Variants in PKM observed in about 807,000 individuals in gnomAD.
PKM encodes the protein pyruvate kinase PKM.
PKM carries 18 observed loss-of-function variants against 49.8 expected under a neutral mutation model. That is an observed-to-expected ratio of 0.36 (90% CI 0.25 to 0.54). The LOEUF (loss-of-function observed/expected upper bound fraction) is 0.54. Among genes scored for constraint, PKM ranks in the 20% least tolerant of loss-of-function variants. PKM has a pLI of 0.89. For missense variants in PKM, 508 were observed against 713.8 expected, an observed-to-expected ratio of 0.71 and a Z score of 3.28; for synonymous variants, 239 against 261.8, an observed-to-expected ratio of 0.91 and a Z score of 0.84.
At chr15:72,206,956 G>C in intron 7 of PKM, 76 bp from the exon 8 acceptor site, 1 of 1,557,154 alleles carries the variant, frequency 6.4e-7, no homozygotes, top group Non-Finnish European at 8.8e-7. Context: ...CTGATCCTCT[G>C]GATAGTGAGT....
chr15:72,200,807 G>A lies in PKM; in HGVS notation c.1308-152C>T, dbSNP rs1055831048. On this transcript the variant is annotated intron_variant, in intron 9 of 10. Coordinates refer to ENST00000335181, the MANE Select transcript of PKM (RefSeq NM_002654.6). The surrounding 1 kb of genome is among the most constrained non-coding windows in gnomAD (Gnocchi z 4.6). ...TCCCTAGGACCCCTCCCGAGGCTCG[G>A]GCAGCCCCTCATCCTATATCCCCCA... 7.8e-6 allele frequency: 5 copies of A among 640,454 alleles called. No individual in the cohort carries two copies. The Admixed American group carries it at 1.5e-4, about 19-fold the overall frequency. 39.7% of individuals were successfully genotyped at this position (640,454 alleles called of 1,614,324 possible).
intron 7 of PKM, 101 bp downstream of exon 7, chr15:72,207,026 C>T (rs1233817697): frequency 1.8e-5 from 27 of 1,502,034 alleles, no homozygotes; most frequent in East Asian, 2.3e-5. Context: ...CTGTGTGTTA[C>T]GTGCGACAAT....
Position 72,200,601 on chromosome 15 carries a change from G to A in PKM, c.1362C>T (p.Thr454=), listed in dbSNP as rs1245018771. The change falls in exon 10 of 11, where the codon ACC becomes ACT. Residue 454 remains threonine, a synonymous_variant. Transcript: ENST00000335181. The surrounding 1 kb of genome is among the most constrained non-coding windows in gnomAD (Gnocchi z 4.6). ...CCTGACGAGCTGTCTGGGGATTCCG[G>A]GTCACAGCAATGATGGGGGCACGTG... is the stretch of plus-strand genomic sequence containing the variant. ...YRPRAPIIAV[T]RNPQTARQAH... 2.5e-6 allele frequency: 4 copies of A among 1,613,820 alleles called. No homozygotes were observed. Among genetic ancestry groups the A allele is most frequent in the Admixed American group, 3.3e-5 (2 of 59,986 alleles).
chr15:72,215,462 C>T (rs1446004454), intron 3 of PKM, among the ~76,000 whole-genome samples: 1 of 152,154 alleles, frequency 6.6e-6, no homozygotes, highest in Non-Finnish European at 1.5e-5. Flanking sequence ...CACACAACCT[C>T]ATCTTGGTCT....
chr15:72,210,081 C>T (rs1274620046), intron 4 of PKM: 3 of 621,086 alleles, frequency 4.8e-6, no homozygotes, highest in East Asian at 5.5e-5. Flanking sequence ...GAAAAAGATA[C>T]AAAGAGATGG....
chr15:72,208,972 A>G, intron 5 of PKM, 81 bp from the exon 6 acceptor site: 1 of 1,457,468 alleles, frequency 6.9e-7, no homozygotes, highest in Non-Finnish European at 9.4e-7. Flanking sequence ...CCGCAAGGAC[A>G]GTGAGCTGGG....
chr15:72,209,437 ATATGTATATATATATATATATG>A (rs1397108405), intron 5 of PKM: 8,632 of 24,228 alleles, frequency 0.36, 1,297 homozygotes, highest in South Asian at 0.6. Flanking sequence ...ATATATATAT[ATATGTATATATATATATATATG>A]TATGTATGTT....
In PKM at chr15:72,211,205, C is replaced by T. The variant is rs374584388; in HGVS notation, c.247-727G>A. ...CTCTCAGCCTCCCGAGTAGCTGGGA[C>T]TGCAGGCGCCCACCACCACGCCTGG... On this transcript the variant is annotated intron_variant, in intron 3 of 10. Coordinates refer to ENST00000335181, the MANE Select transcript of PKM (RefSeq NM_002654.6). Among the ~76,000 whole-genome samples, 67 of 152,080 alleles carry T rather than the reference C, an allele frequency of 4.4e-4. 1 individual carries two copies. In the South Asian group the frequency reaches 0.014, roughly 32 times the overall value.
At chr15:72,208,918 G>C (rs375563823) in intron 5 of PKM, 27 bp from the exon 6 acceptor site, 57 of 1,607,230 alleles carry the variant, frequency 3.5e-5, no homozygotes, top group Admixed American at 5.1e-5. Flanking sequence ...AAGTAGGGGA[G>C]GCAGAGCACG....
In PKM at chr15:72,200,760, C is replaced by CCCTCAG; in HGVS notation, c.1308-106_1308-105insCTGAGG. On this transcript the variant is annotated intron_variant, in intron 9 of 10. Coordinates refer to ENST00000335181, the MANE Select transcript of PKM (RefSeq NM_002654.6). This position sits in a 1 kb window ranked among gnomAD's most constrained non-coding sequence, Gnocchi z 4.6. ...ACCCTCTCATCCAGCTCACTGAGGGCTCTGGCCTCTTCAACATCTGCTCCC... is the reference window on the plus strand; with the variant it reads ...ACCCTCTCATCCAGCTCACTGAGGGCCCTCAGTCTGGCCTCTTCAACATCTGCTCCC... 2 of 986,894 alleles carry CCCTCAG rather than the reference C, an allele frequency of 2.0e-6. No individual in the cohort carries two copies. The highest frequency in any genetic ancestry group is 3.0e-6 in the Non-Finnish European group (2 of 661,640). The allele number at this position is 986,894 out of a possible 1,614,324, so 61.1% of individuals were successfully genotyped here.
intron 1 of PKM, among the ~76,000 whole-genome samples, chr15:72,222,998 C>T (rs898534295): frequency 1.3e-5 from 2 of 151,250 alleles, no homozygotes; most frequent in East Asian, 3.9e-4. Flanking sequence ...ATACCCAACA[C>T]TCCTCCCTCC....
rs559620417 is a variant in PKM at position 72,210,590 on chromosome 15, G to A, written c.247-112C>T. 2.5e-6 allele frequency: 3 copies of A among 1,183,766 alleles called. No homozygotes were observed. The Admixed American group carries it at 5.7e-5, about 23-fold the overall frequency. 73.3% of individuals were successfully genotyped at this position (1,183,766 alleles called of 1,614,324 possible). A position where few individuals can be genotyped will look rare whatever the true frequency, so the allele number is the denominator to read the frequency against. On this transcript the variant is annotated intron_variant, in intron 3 of 10. Coordinates refer to ENST00000335181, the MANE Select transcript of PKM (RefSeq NM_002654.6). ...TCAGGAAAGGCCCGTGGATGTCTTA[G>A]AGCTCTATCTCCATCCTCAGCACGA...
At chr15:72,203,622 C>CCATG in intron 8 of PKM, 1 of 274,530 alleles carries the variant, frequency 3.6e-6, no homozygotes, top group Non-Finnish European at 7.2e-6. Context: ...TGCCCAGCCT[C>CCATG]CATGCATGCA....
At chr15:72,210,581 G>A in intron 3 of PKM, 103 bp from the exon 4 acceptor site, 1 of 1,291,918 alleles carries the variant, frequency 7.7e-7, no homozygotes, top group East Asian at 2.4e-5. Flanking sequence ...AAGGCCCGTG[G>A]ATGTCTTAGA....
At chr15:72,223,140 C>T (rs1460322126) in intron 1 of PKM, among the ~76,000 whole-genome samples, 1 of 151,670 alleles carries the variant, frequency 6.6e-6, no homozygotes, top group Non-Finnish European at 1.5e-5. Context: ...CTCAGCATCC[C>T]AAGTAGCTGG....
rs1173228745 is a variant in PKM, at chr15:72,218,975, T to G, written c.123A>C (p.Thr41=). The stretch of plus-strand genomic sequence containing the variant: ...TACAGATGATGCCAGTGTTCCGGGC[T>G]GTGATGGGTGGTGAATCAATGTCCA... ...CRLDIDSPPI[T]ARNTGIICTI... is the part of the protein sequence containing the mutation. The change falls in exon 2 of 11, where the codon ACA becomes ACC. Residue 41 remains threonine, a synonymous_variant. Coordinates refer to ENST00000335181, the MANE Select transcript of PKM (RefSeq NM_002654.6). 1.2e-6 allele frequency: 2 copies of G among 1,614,036 alleles called. No individual in the cohort carries two copies. The highest frequency in any genetic ancestry group is 2.7e-5 in the African/African-American group (2 of 74,916).
At chr15:72,212,248 G>A (rs893744892) in intron 3 of PKM, among the ~76,000 whole-genome samples, 3 of 152,156 alleles carry the variant, frequency 2.0e-5, no homozygotes, top group Non-Finnish European at 2.9e-5. Context: ...AGGCCAAGGC[G>A]GGTGGATCAT....
At chr15:72,224,657 G>A (rs2082613152) in intron 1 of PKM, among the ~76,000 whole-genome samples, 2 of 152,078 alleles carry the variant, frequency 1.3e-5, no homozygotes, top group South Asian at 4.1e-4. Flanking sequence ...GAGGCTAAGA[G>A]TTCGAGACCA....
intron 3 of PKM, among the ~76,000 whole-genome samples, chr15:72,212,106 G>A (rs768411552): frequency 8.5e-5 from 13 of 152,150 alleles, no homozygotes; most frequent in Non-Finnish European, 2.9e-5. Context: ...CCCTTGGCTT[G>A]TCTGTTTTTT....
Sources: gnomAD v4.1 joint callset for allele counts (sites outside exome capture counted in the v4.1 genomes callset) on GRCh38, gnomAD v4.1.1 for gene constraint, Gnocchi (gnomAD v3.1) non-coding constraint, MANE v1.5 for transcripts, NCBI Gene and HGNC (gene_info 2026-07-23, HGNC 2026-07-21) for gene names.